EVC: variants seen among roughly 807,000 people sequenced by gnomAD.
The protein encoded by EVC is evC complex member EVC.
Under a neutral mutation model 118.9 loss-of-function variants are expected in EVC, and 116 were observed. The observed-to-expected ratio is 0.98, with a 90% CI of 0.84 to 1.14. The LOEUF (loss-of-function observed/expected upper bound fraction) is 1.14. EVC is among the 50% of genes most tolerant of loss of function. EVC has a pLI of 0.00. For missense variants in EVC, 1,401 were observed against 1,246.4 expected (o/e 1.12, Z -1.87); for synonymous variants, 619 against 534.7 (o/e 1.16, Z -2.18).
chr4:5,751,587 C>A (rs547787570), intron 8 of EVC, among the ~76,000 whole-genome samples: 77 of 152,352 alleles, frequency 5.1e-4, no homozygotes, highest in African/African-American at 1.6e-3. Flanking sequence ...GAGGCCAGTG[C>A]AGCTCAGCGC....
In EVC at chr4:5,753,815, C is replaced by T. The variant is rs2302075; in HGVS notation, c.1346C>T (p.Thr449Met). 68 of 1,613,936 alleles carry T rather than the reference C, an allele frequency of 4.2e-5. No homozygotes were observed. Among genetic ancestry groups the T allele is most frequent in the Non-Finnish European group, 5.5e-5 (65 of 1,180,006 alleles). ...EFVQRGKDLV[T>M]ASLAHQVEGT... is the part of the protein sequence containing the mutation. ...GTCCAGCGAGGCAAAGACCTGGTCA[C>T]GGCGTCTCTGGCTCACCAGGTGGAG... Residue 449 changes from threonine (T) to methionine (M), a missense_variant, in exon 10 of 21, where the codon ACG becomes ATG. By Grantham distance (81) the Thr-to-Met change is moderately conservative (BLOSUM62 -1). Transcript: ENST00000264956.
At chr4:5,718,683 A>G (rs551284228) in intron 1 of EVC, among the ~76,000 whole-genome samples, 1 of 152,338 alleles carries the variant, frequency 6.6e-6, no homozygotes, top group East Asian at 1.9e-4. Flanking sequence ...TAAAAGCGCC[A>G]TGAGCATTGG....
chr4:5,794,299 T>TTATA (rs1362642233), intron 13 of EVC, among the ~76,000 whole-genome samples: 8 of 123,458 alleles, frequency 6.5e-5, no homozygotes, highest in Middle Eastern at 4.3e-3. Flanking sequence ...TTTTATATAT[T>TTATA]TATATTTTTA....
chr4:5,802,806 G>A lies in EVC; in HGVS notation c.2449+712G>A, dbSNP rs536400413. On this transcript the variant is annotated intron_variant, in intron 16 of 20. Coordinates refer to ENST00000264956, the MANE Select transcript of EVC (RefSeq NM_153717.3). ...CGGCTGTAAATACAGATGAAGCTTC[G>A]CTCACTCATCTGCCGCTCACGTCTT... is the stretch of plus-strand genomic sequence containing the variant. 1.6e-4 allele frequency among the ~76,000 whole-genome samples: 25 copies of A among 152,256 alleles called. No homozygotes were observed. In the South Asian group the frequency reaches 3.1e-3, roughly 19 times the overall value.
rs375592662 is a variant in EVC, at chr4:5,798,796, T to C, written c.2304+4T>C. 5.0e-6 allele frequency: 8 copies of C among 1,610,124 alleles called. No homozygotes were observed. The African/African-American group carries it at 1.1e-4, about 22-fold the overall frequency. On this transcript the variant is annotated splice_donor_region_variant and intron_variant, in intron 15 of 20. Coordinates refer to ENST00000264956, the MANE Select transcript of EVC (RefSeq NM_153717.3). This position sits in a 1 kb window ranked among gnomAD's most constrained non-coding sequence, Gnocchi z 4.1. ...CAAGGACAGGGATGACTTCAAGGTA[T>C]GCACTGACCTCTGTCCCTGGGGACA... is the stretch of plus-strand genomic sequence containing the variant.
At position 5,711,482 on chromosome 4, in the gene EVC, G is replaced by T; in HGVS notation, c.102G>T (p.Leu34=). 9.1e-7 allele frequency: 1 copy of T among 1,101,696 alleles called. No individual in the cohort carries two copies. The highest frequency in any genetic ancestry group is 4.3e-5 in the South Asian group (1 of 23,442). 68.2% of individuals were successfully genotyped at this position (1,101,696 alleles called of 1,614,324 possible). A position where few individuals can be genotyped will look rare whatever the true frequency, so the allele number is the denominator to read the frequency against. ...APALLAPAVL[L]GAALGLGLGL... ...CCCTGCTGGCCCCCGCCGTGCTGCTGGGCGCCGCGCTCGGCCTCGGCCTCG... is the reference window on the plus strand; with the variant it reads ...CCCTGCTGGCCCCCGCCGTGCTGCTTGGCGCCGCGCTCGGCCTCGGCCTCG... The change falls in exon 1 of 21, where the codon CTG becomes CTT. Residue 34 remains leucine, a synonymous_variant. Coordinates refer to ENST00000264956, the MANE Select transcript of EVC (RefSeq NM_153717.3).
chr4:5,732,727 G>C (rs1198990713), intron 4 of EVC, among the ~76,000 whole-genome samples: 1 of 145,346 alleles, frequency 6.9e-6, no homozygotes, highest in African/African-American at 2.8e-5. Flanking sequence ...GAAAATGCTT[G>C]AGGTTGGGCA....
chr4:5,800,990 GC>G (rs1352518947), intron 15 of EVC, among the ~76,000 whole-genome samples: 1 of 152,184 alleles, frequency 6.6e-6, no homozygotes, highest in Non-Finnish European at 1.5e-5. Context: ...TCTGGCTTTT[GC>G]CCATCCTCTT....
At chr4:5,819,807 C>T in the EVC span, among the ~76,000 whole-genome samples, 1 of 150,764 alleles carries the variant, frequency 6.6e-6, no homozygotes, top group Non-Finnish European at 1.5e-5. Flanking sequence ...TCCTTACCAT[C>T]CATTCTTGGT....
chr4:5,804,915 G>A (rs139158243), intron 17 of EVC, 74 bp downstream of exon 17: 30 of 1,319,262 alleles, frequency 2.3e-5, no homozygotes, highest in Admixed American at 1.4e-4. Flanking sequence ...CTGTGGTGCC[G>A]TCAGCAGGTG....
At chr4:5,783,999 C>T (rs1234670123) in intron 12 of EVC, among the ~76,000 whole-genome samples, 1 of 152,112 alleles carries the variant, frequency 6.6e-6, no homozygotes, top group Non-Finnish European at 1.5e-5. Context: ...TTAAGAAGAG[C>T]AGCAAAGCTT....
At chr4:5,736,077 GC>G (rs1727621057) in intron 5 of EVC, among the ~76,000 whole-genome samples, 1 of 152,136 alleles carries the variant, frequency 6.6e-6, no homozygotes. Flanking sequence ...GAAGAAACTG[GC>G]TCTGGGCTTG....
chr4:5,794,347 A>ATATATTTATATATATTTATATATT (rs1560420176), intron 13 of EVC, among the ~76,000 whole-genome samples: 2 of 130,688 alleles, frequency 1.5e-5, no homozygotes, highest in Admixed American at 7.9e-5. Flanking sequence ...ATATACTTAT[A>ATATATTTATATATATTTATATATT]TATATATTTA....
Position 5,756,280 on chromosome 4 carries a change from T to C in EVC, c.1481T>C (p.Leu494Pro). 2.5e-6 allele frequency: 4 copies of C among 1,612,580 alleles called. No individual in the cohort carries two copies. The highest frequency in any genetic ancestry group is 2.5e-6 in the Non-Finnish European group (3 of 1,179,644). ...EKFLEAFHEV[L>P]ERQRLMQCDL... Reference sequence around the variant, plus strand: ...TCCTCACAGGCTTTTCATGAGGTCCTGGAGAGGCAGAGGCTGATGCAGTGT... The same window carrying C: ...TCCTCACAGGCTTTTCATGAGGTCCCGGAGAGGCAGAGGCTGATGCAGTGT... The change falls in exon 11 of 21, where the codon CTG (leucine) becomes CCG (proline). Residue 494 changes from leucine to proline, a missense_variant. Physicochemically the swap from Leu to Pro is moderately conservative, Grantham distance 98. Transcript: ENST00000264956. The surrounding 1 kb of genome is among the most constrained non-coding windows in gnomAD (Gnocchi z 4.2).
chr4:5,777,197 T>C (rs1387759530), intron 11 of EVC, among the ~76,000 whole-genome samples: 2 of 152,222 alleles, frequency 1.3e-5, no homozygotes, highest in East Asian at 1.9e-4. Context: ...TTGTCAGATA[T>C]CAGCACCTCT....
chr4:5,718,172 A>G (rs930094155), intron 1 of EVC, among the ~76,000 whole-genome samples: 1 of 152,268 alleles, frequency 6.6e-6, no homozygotes, highest in Non-Finnish European at 1.5e-5. Context: ...CTCACTGAGA[A>G]CACAGCATTA....
At chr4:5,814,458 T>C (rs1404366808), downstream of EVC, among the ~76,000 whole-genome samples, 1 of 152,140 alleles carries the variant, frequency 6.6e-6, no homozygotes, top group Non-Finnish European at 1.5e-5. Flanking sequence ...AGGGCGGTGC[T>C]GATCTTGCTG....
rs561723804 is a variant in EVC, at chr4:5,714,222, TCTC to T, written c.174+2675_174+2677del. Among the ~76,000 whole-genome samples, 317 of 152,376 alleles carry T rather than the reference TCTC, an allele frequency of 2.1e-3. 2 individuals are homozygous for T. Among genetic ancestry groups the T allele is most frequent in the African/African-American group, 6.8e-3 (284 of 41,598 alleles). On this transcript the variant is annotated intron_variant, in intron 1 of 20. Coordinates refer to ENST00000264956, the MANE Select transcript of EVC (RefSeq NM_153717.3). ...TCCCTGCTTTGTAGGCACTGTTTGTTCTCCTCCTCTGTTCCAAGTCACAATTTT... is the reference window on the plus strand; with the variant it reads ...TCCCTGCTTTGTAGGCACTGTTTGTTCTCCTCTGTTCCAAGTCACAATTTT...
intron 12 of EVC, among the ~76,000 whole-genome samples, chr4:5,785,560 G>A (rs557451726): frequency 1.7e-4 from 26 of 152,308 alleles, no homozygotes; most frequent in African/African-American, 5.8e-4. Flanking sequence ...TTGCCTGCCC[G>A]AATGAATTCT....
Sources: allele counts gnomAD v4.1 joint callset (sites outside exome capture counted in the v4.1 genomes callset), GRCh38; gene constraint gnomAD v4.1.1; non-coding constraint Gnocchi (gnomAD v3.1); transcripts MANE v1.5; gene names NCBI Gene and HGNC (gene_info 2026-07-23, HGNC 2026-07-21).